ARHGAP40: variants seen among roughly 807,000 people sequenced by gnomAD.
ARHGAP40 encodes the protein rho GTPase-activating protein 40.
In ARHGAP40, 43 loss-of-function variants were observed where a neutral mutation model predicts 73.5. The ratio of observed to expected loss-of-function variants is 0.58; its 90% CI spans 0.46 to 0.75. The LOEUF (loss-of-function observed/expected upper bound fraction) is 0.75, where lower values mean the gene tolerates loss of function less well. Among genes scored for constraint, ARHGAP40 ranks in the 30% least tolerant of loss-of-function variants. The pLI, the probability that ARHGAP40 is intolerant of heterozygous loss-of-function variation, is 0.00. For missense variants in ARHGAP40, 734 were observed against 861.8 expected (o/e 0.85, Z 1.86); for synonymous variants, 300 against 352.8 (o/e 0.85, Z 1.68).
chr20:38,635,989 G>A (rs1219006219), intron 6 of ARHGAP40, among the ~76,000 whole-genome samples: 1 of 152,112 alleles, frequency 6.6e-6, no homozygotes, highest in Non-Finnish European at 1.5e-5. Flanking sequence ...CTGGCTGTCT[G>A]GAGGATGTTC....
intron 1 of ARHGAP40, among the ~76,000 whole-genome samples, chr20:38,616,055 G>A (rs1427733508): frequency 6.6e-6 from 1 of 152,226 alleles, no homozygotes; most frequent in Non-Finnish European, 1.5e-5. Context: ...TTCTCATGGT[G>A]TTGATAGCGG....
At chr20:38,622,755 C>T (rs1601139160) in intron 1 of ARHGAP40, among the ~76,000 whole-genome samples, 1 of 152,212 alleles carries the variant, frequency 6.6e-6, no homozygotes, top group Non-Finnish European at 1.5e-5. Context: ...CCCCACACAG[C>T]TTCCAGTTCA....
chr20:38,648,626 C>G lies in ARHGAP40; in HGVS notation c.1881-17C>G, dbSNP rs6092810. ...AAAAAGGCAGTAGTTTTTTTTTTCT[C>G]TCTCTCTGTTTTACAGCCATAGGTC... On this transcript the variant is annotated splice_polypyrimidine_tract_variant and intron_variant, in intron 13 of 14. Coordinates refer to ENST00000373345, the Ensembl canonical transcript of ARHGAP40. 3 of 1,289,860 alleles carry G rather than the reference C, an allele frequency of 2.3e-6. No individual in the cohort carries two copies. The highest frequency in any genetic ancestry group is 5.6e-5 in the East Asian group (1 of 17,914). 79.9% of individuals were successfully genotyped at this position (1,289,860 alleles called of 1,614,324 possible).
intron 9 of ARHGAP40, among the ~76,000 whole-genome samples, chr20:38,641,304 C>A (rs929973700): frequency 6.6e-6 from 1 of 152,130 alleles, no homozygotes; most frequent in African/African-American, 2.4e-5. Flanking sequence ...ATCCTGACAC[C>A]AGGTGTGAGA....
intron 1 of ARHGAP40, among the ~76,000 whole-genome samples, chr20:38,622,149 T>C (rs2088877113): frequency 6.6e-6 from 1 of 152,186 alleles, no homozygotes; most frequent in African/African-American, 2.4e-5. Flanking sequence ...GACTTTTCCT[T>C]TTTAATCCAA....
chr20:38,644,569 A>G (rs6027011), intron 11 of ARHGAP40, among the ~76,000 whole-genome samples: 23,381 of 148,362 alleles, frequency 0.16, 4,376 homozygotes, highest in African/African-American at 0.46. Flanking sequence ...TCACCCACCT[A>G]CCCATCCATC....
intron 14 of ARHGAP40, among the ~76,000 whole-genome samples, chr20:38,649,367 G>A (rs974112500): frequency 2.0e-5 from 3 of 152,200 alleles, no homozygotes; most frequent in African/African-American, 7.2e-5. Context: ...TCAGGAAAAG[G>A]GTTCCAAGGG....
chr20:38,616,376 G>A (rs1342116767), intron 1 of ARHGAP40, among the ~76,000 whole-genome samples: 1 of 152,214 alleles, frequency 6.6e-6, no homozygotes, highest in Admixed American at 6.5e-5. Flanking sequence ...GTTCAAAAGA[G>A]TCCAGGAACT....
chr20:38,649,330 G>A (rs2089073039), intron 14 of ARHGAP40, among the ~76,000 whole-genome samples: 1 of 152,228 alleles, frequency 6.6e-6, no homozygotes, highest in South Asian at 2.1e-4. Context: ...GTCTTCAGTA[G>A]TACACGATGC....
At chr20:38,614,334 C>T (rs2088821869) in intron 1 of ARHGAP40, among the ~76,000 whole-genome samples, 1 of 152,198 alleles carries the variant, frequency 6.6e-6, no homozygotes, top group South Asian at 2.1e-4. Context: ...CATGGCTGTG[C>T]CCTGAGATTG....
chr20:38,637,385 G>C (rs547561456), intron 6 of ARHGAP40, among the ~76,000 whole-genome samples: 3 of 152,108 alleles, frequency 2.0e-5, no homozygotes, highest in African/African-American at 2.4e-5. Flanking sequence ...CTGACCTCAG[G>C]TGATCCGCCT....
intron 7 of ARHGAP40, among the ~76,000 whole-genome samples, chr20:38,638,342 G>A (rs1345614589): frequency 2.0e-5 from 3 of 152,102 alleles, no homozygotes; most frequent in Non-Finnish European, 1.5e-5. Flanking sequence ...AAATAAATAA[G>A]TAAATTTTTG....
intron 1 of ARHGAP40, chr20:38,615,445 T>C: frequency 1.4e-6 from 1 of 709,474 alleles, no homozygotes; most frequent in Non-Finnish European, 2.6e-6. Context: ...CAGCTCCTTC[T>C]CAGCCAGGAA....
intron 3 of ARHGAP40, among the ~76,000 whole-genome samples, chr20:38,628,691 T>A (rs929881682): frequency 2.6e-5 from 4 of 152,202 alleles, no homozygotes; most frequent in Non-Finnish European, 4.4e-5. Flanking sequence ...TTGGAGCACC[T>A]CTGAAGTGGC....
chr20:38,620,167 A>T (rs762177831), intron 1 of ARHGAP40, among the ~76,000 whole-genome samples: 9 of 152,260 alleles, frequency 5.9e-5, no homozygotes, highest in African/African-American at 2.2e-4. Flanking sequence ...GCCACGCTGT[A>T]TACTTAGCAC....
intron 3 of ARHGAP40, among the ~76,000 whole-genome samples, chr20:38,628,647 C>T (rs1344878080): frequency 6.6e-6 from 1 of 152,198 alleles, no homozygotes; most frequent in Non-Finnish European, 1.5e-5. Context: ...CCTGCTGACA[C>T]TTGAAGCCTG....
intron 9 of ARHGAP40, 132 bp downstream of exon 9, chr20:38,639,518 TGGG>T (rs2089000925): frequency 1.9e-6 from 2 of 1,079,266 alleles, no homozygotes; most frequent in Non-Finnish European, 2.4e-6. Flanking sequence ...GTCCAACTGA[TGGG>T]GGAAGAAGCA....
At chr20:38,605,065 A>G (rs193005059) in intron 1 of ARHGAP40, among the ~76,000 whole-genome samples, 11 of 152,240 alleles carry the variant, frequency 7.2e-5, no homozygotes, top group Non-Finnish European at 1.3e-4. Flanking sequence ...GAGTCTGTTC[A>G]TCTCACTGGT....
intron 5 of ARHGAP40, among the ~76,000 whole-genome samples, chr20:38,631,011 T>G (rs892991162): frequency 6.6e-6 from 1 of 152,052 alleles, no homozygotes; most frequent in Non-Finnish European, 1.5e-5. Context: ...GACTATATGA[T>G]AGAAAGAAAG....
Sources: allele counts gnomAD v4.1 joint callset (sites outside exome capture counted in the v4.1 genomes callset), GRCh38; gene constraint gnomAD v4.1.1; transcripts MANE v1.5; gene names NCBI Gene and HGNC (gene_info 2026-07-23, HGNC 2026-07-21).